PAIP1: variants seen among roughly 807,000 people sequenced by gnomAD.
The protein encoded by PAIP1 is poly(A) binding protein interacting protein 1, also known as polyadenylate-binding protein-interacting protein 1.
In PAIP1, 16 loss-of-function variants were observed where a neutral mutation model predicts 61.3. That is an observed-to-expected ratio of 0.26 (90% confidence interval 0.18 to 0.40). The LOEUF (loss-of-function observed/expected upper bound fraction) is 0.40. PAIP1 is among the 10% of genes least tolerant of loss of function. PAIP1 has a pLI of 1.00. For missense variants in PAIP1, 416 were observed against 600.9 expected (o/e 0.69, Z 3.22); for synonymous variants, 187 against 226.2 (o/e 0.83, Z 1.56).
intron 3 of PAIP1, among the ~76,000 whole-genome samples, chr5:43,547,350 C>G (rs116459827): frequency 1.4e-3 from 209 of 152,150 alleles, no homozygotes; most frequent in African/African-American, 4.9e-3. Context: ...GAATTGCAGT[C>G]TTTTCTGGTA....
At chr5:43,556,442 G>A (rs1748081544) in intron 1 of PAIP1, 140 bp downstream of exon 1, 1 of 1,206,060 alleles carries the variant, frequency 8.3e-7, no homozygotes. Context: ...GTCCCTACCC[G>A]GTCACGCGGC....
chr5:43,529,775 A>G lies in PAIP1; in HGVS notation c.1346+11T>C, dbSNP rs769578013. On this transcript the variant is annotated intron_variant, in intron 10 of 10. Coordinates refer to ENST00000306846, the MANE Select transcript of PAIP1 (RefSeq NM_006451.5). ...GAAATTTCACGAAGTTAGTAACTGA[A>G]GAAAACTTACGGATCACCAGCCCCG... is the stretch of plus-strand genomic sequence containing the variant. 5 of 1,414,138 alleles carry G rather than the reference A, an allele frequency of 3.5e-6. No individual in the cohort carries two copies. In the East Asian group the frequency reaches 9.1e-5, roughly 26 times the overall value. The allele number at this position is 1,414,138 out of a possible 1,614,324, so 87.6% of individuals were successfully genotyped here. A position where few individuals can be genotyped will look rare whatever the true frequency, so the allele number is the denominator to read the frequency against.
In PAIP1 at chr5:43,542,157, C is replaced by T. The variant is rs1347462663; in HGVS notation, c.734+847G>A. On this transcript the variant is annotated intron_variant, in intron 4 of 10. Coordinates refer to ENST00000306846, the MANE Select transcript of PAIP1 (RefSeq NM_006451.5). Reference sequence around the variant, plus strand: ...AGCCACTGCACTCCAGCCTGGGTGACAGAGCAAGACTCGGTCTCGGAAAAA... The same window carrying T: ...AGCCACTGCACTCCAGCCTGGGTGATAGAGCAAGACTCGGTCTCGGAAAAA... Among the ~76,000 whole-genome samples, 3 of 145,262 alleles carry T rather than the reference C, an allele frequency of 2.1e-5. No individual in the cohort carries two copies. The Admixed American group carries it at 2.1e-4, about 10-fold the overall frequency.
Position 43,556,724 on chromosome 5 carries a change from C to T in PAIP1, c.123G>A (p.Ala41=), listed in dbSNP as rs530208704. Residue 41 remains alanine, a synonymous_variant, in exon 1 of 11, where the codon GCG becomes GCA. Transcript: ENST00000306846. ...CTTTGGGTTGCGGCGGCTGGTGCCG[C>T]GCCCGCTCAGCAGGCCCCGCTCCGT... ...FPNGAGPAER[A]RHQPPQPKAP... The T allele has an allele frequency of 2.4e-5, 32 of 1,346,298 alleles. No individual in the cohort carries two copies. The South Asian group carries it at 5.9e-4, about 25-fold the overall frequency. The allele number at this position is 1,346,298 out of a possible 1,614,324, so 83.4% of individuals were successfully genotyped here. A position where few individuals can be genotyped will look rare whatever the true frequency, so the allele number is the denominator to read the frequency against.
upstream of PAIP1, chr5:43,557,179 G>C: frequency 1.7e-5 from 4 of 233,504 alleles, no homozygotes; most frequent in Non-Finnish European, 3.2e-5. Context: ...CGCCCGCGAG[G>C]ATCCTCCAGT....
chr5:43,551,912 A>G (rs2111594991), intron 2 of PAIP1, among the ~76,000 whole-genome samples: 1 of 152,160 alleles, frequency 6.6e-6, no homozygotes, highest in South Asian at 2.1e-4. Context: ...ACAGACAGGC[A>G]CTCCAACGTG....
chr5:43,528,151 A>G (rs1169030853), intron 10 of PAIP1, among the ~76,000 whole-genome samples: 1 of 152,240 alleles, frequency 6.6e-6, no homozygotes, highest in East Asian at 1.9e-4. Flanking sequence ...GTCCATAGCC[A>G]TCTTAAAAAG....
rs138139133 is a variant in PAIP1, at chr5:43,527,547, T to C, written c.1347-78A>G. On this transcript the variant is annotated intron_variant, in intron 10 of 10. Transcript: ENST00000306846. ...AGATGCTAAATCATGAAAAAAATAA[T>C]GTAATACAACTTTCCTAGACTGACT... 9.4e-3 allele frequency: 12,288 copies of C among 1,308,886 alleles called. 74 individuals are homozygous for C. The highest frequency in any genetic ancestry group is 0.011 in the Non-Finnish European group (10,459 of 950,340). The allele number at this position is 1,308,886 out of a possible 1,614,324, so 81.1% of individuals were successfully genotyped here. A position where few individuals can be genotyped will look rare whatever the true frequency, so the allele number is the denominator to read the frequency against.
intron 9 of PAIP1, among the ~76,000 whole-genome samples, chr5:43,532,068 C>T (rs1201802743): frequency 2.0e-5 from 3 of 152,044 alleles, no homozygotes; most frequent in Non-Finnish European, 2.9e-5. Context: ...GATTAAAAAA[C>T]GTTTAAGAAA....
At chr5:43,553,726 G>A (rs1457888072) in intron 2 of PAIP1, among the ~76,000 whole-genome samples, 1 of 152,152 alleles carries the variant, frequency 6.6e-6, no homozygotes, top group Non-Finnish European at 1.5e-5. Context: ...GAATATACCA[G>A]AACAGGGGTA....
chr5:43,550,795 T>C (rs78048395), intron 2 of PAIP1, among the ~76,000 whole-genome samples: 10,613 of 118,434 alleles, frequency 0.09, 691 homozygotes, highest in African/African-American at 0.21. Flanking sequence ...ATGGAGCTCA[T>C]ACCCCATGAT....
At chr5:43,553,837 T>C (rs1030344993) in intron 2 of PAIP1, among the ~76,000 whole-genome samples, 5 of 152,198 alleles carry the variant, frequency 3.3e-5, no homozygotes, top group African/African-American at 1.2e-4. Flanking sequence ...AGAATGCCTC[T>C]ACTCAGCTCC....
At position 43,557,023 on chromosome 5, in the gene PAIP1, C is replaced by T. The variant is rs1177954426; in HGVS notation, c.-177G>A. ...GTGCTTCTGGCGGAGCGGACGGCAG[C>T]CCGAGCACCCGCCGCTCCAGAGCGC... On this transcript the variant is annotated 5_prime_UTR_variant, in exon 1 of 11. Coordinates refer to ENST00000306846, the MANE Select transcript of PAIP1 (RefSeq NM_006451.5). The T allele has an allele frequency of 8.9e-7, 1 of 1,118,920 alleles. No individual in the cohort carries two copies. The highest frequency in any genetic ancestry group is 3.7e-5 in the South Asian group (1 of 27,206). 69.3% of individuals were successfully genotyped at this position (1,118,920 alleles called of 1,614,324 possible).
At chr5:43,556,150 GACAGCCT>G in intron 1 of PAIP1, 151 bp from the exon 2 acceptor site, 2 of 1,416,072 alleles carry the variant, frequency 1.4e-6, no homozygotes, top group East Asian at 2.5e-5. Flanking sequence ...AATGTGTACA[GACAGCCT>G]ACAAAAAGGA....
chr5:43,546,584 C>T (rs1280637427), intron 3 of PAIP1, among the ~76,000 whole-genome samples: 1 of 152,158 alleles, frequency 6.6e-6, no homozygotes, highest in African/African-American at 2.4e-5. Flanking sequence ...GCATTATAAT[C>T]TCCCTTCCAT....
At chr5:43,550,611 A>G (rs970154142) in intron 2 of PAIP1, among the ~76,000 whole-genome samples, 2 of 152,048 alleles carry the variant, frequency 1.3e-5, no homozygotes, top group Non-Finnish European at 2.9e-5. Flanking sequence ...GGTAAGCATC[A>G]CTATCCTCCC....
intron 8 of PAIP1, among the ~76,000 whole-genome samples, chr5:43,534,049 G>C (rs548564290): frequency 6.6e-6 from 1 of 152,302 alleles, no homozygotes; most frequent in South Asian, 2.1e-4. Flanking sequence ...GTTGTGCATT[G>C]TCATTTAGTG....
chr5:43,539,452 TACACACACACACACACAC>T (rs34509892), intron 4 of PAIP1, among the ~76,000 whole-genome samples: 3 of 148,578 alleles, frequency 2.0e-5, no homozygotes, highest in African/African-American at 7.5e-5. Flanking sequence ...GATCTTTAAA[TACACACACACACACACAC>T]ACACACACAC....
chr5:43,532,551 T>G (rs1053144890), intron 9 of PAIP1, among the ~76,000 whole-genome samples: 2 of 152,152 alleles, frequency 1.3e-5, no homozygotes, highest in African/African-American at 2.4e-5. Flanking sequence ...GAACAATGAT[T>G]TTTAGAAGAA....
Sources: allele counts gnomAD v4.1 joint callset (sites outside exome capture counted in the v4.1 genomes callset), GRCh38; gene constraint gnomAD v4.1.1; transcripts MANE v1.5; gene names NCBI Gene and HGNC (gene_info 2026-07-23, HGNC 2026-07-21).